Variants in ARNT observed in about 807,000 individuals in gnomAD.
ARNT encodes aryl hydrocarbon receptor nuclear translocator.
Under a neutral mutation model 105.0 loss-of-function variants are expected in ARNT, and 30 were observed. The observed-to-expected ratio is 0.29, with a 90% CI of 0.21 to 0.39. The LOEUF (loss-of-function observed/expected upper bound fraction) is 0.39. ARNT is among the 10% of genes least tolerant of loss of function. The pLI, the probability that ARNT is intolerant of heterozygous loss-of-function variation, is 1.00. For synonymous variants in ARNT, 304 were observed against 344.0 expected, an observed-to-expected ratio of 0.88 and a Z score of 1.29; for missense variants, 748 against 978.7, an observed-to-expected ratio of 0.76 and a Z score of 3.15.
At chr1:150,838,945 A>G (rs1458808375) in intron 6 of ARNT, among the ~76,000 whole-genome samples, 2 of 152,196 alleles carry the variant, frequency 1.3e-5, no homozygotes, top group African/African-American at 4.8e-5. Context: ...AGTTCCTGAA[A>G]GGCAGAAAAT....
chr1:150,871,988 A>G (rs1667539067), intron 1 of ARNT, among the ~76,000 whole-genome samples: 1 of 149,486 alleles, frequency 6.7e-6, no homozygotes, highest in Admixed American at 6.7e-5. Context: ...ACAGGGTCTC[A>G]CTCCAACACC....
intron 12 of ARNT, among the ~76,000 whole-genome samples, chr1:150,828,841 T>C (rs587657637): frequency 6.6e-6 from 1 of 152,324 alleles, no homozygotes; most frequent in Admixed American, 6.5e-5. Flanking sequence ...ATCATCTGTA[T>C]TAATATCAAC....
intron 6 of ARNT, among the ~76,000 whole-genome samples, chr1:150,836,780 G>A (rs1240608540): frequency 3.3e-5 from 5 of 152,156 alleles, no homozygotes; most frequent in African/African-American, 4.8e-5. Context: ...AGCGGCTCCC[G>A]CCGGTAATCC....
At chr1:150,872,401 A>T (rs938474606) in intron 1 of ARNT, among the ~76,000 whole-genome samples, 1 of 152,148 alleles carries the variant, frequency 6.6e-6, no homozygotes, top group Admixed American at 6.6e-5. Flanking sequence ...GCTAAAAAAA[A>T]TTTTCTTCCT....
At chr1:150,874,619 T>C (rs1381185983) in intron 1 of ARNT, among the ~76,000 whole-genome samples, 2 of 151,958 alleles carry the variant, frequency 1.3e-5, no homozygotes, top group African/African-American at 4.8e-5. Context: ...GCCCCTGAGG[T>C]GGAGGCTGCC....
intron 21 of ARNT, 21 bp downstream of exon 21, chr1:150,813,150 GA>G: frequency 6.2e-7 from 1 of 1,603,938 alleles, no homozygotes; most frequent in Non-Finnish European, 8.5e-7. Context: ...TCTAATTTTT[GA>G]AAGTCTTTTC....
chr1:150,848,643 C>T (rs1662713143), intron 3 of ARNT, among the ~76,000 whole-genome samples: 1 of 152,160 alleles, frequency 6.6e-6, no homozygotes, highest in Non-Finnish European at 1.5e-5. Flanking sequence ...ACCCTCCCAC[C>T]TCAGCTTCCC....
chr1:150,874,377 T>C (rs1469885986), intron 1 of ARNT, among the ~76,000 whole-genome samples: 1 of 152,196 alleles, frequency 6.6e-6, no homozygotes, highest in Non-Finnish European at 1.5e-5. Context: ...TCAGAAGAGA[T>C]GGAATAATTT....
At chr1:150,855,592 T>C (rs955024601) in intron 2 of ARNT, among the ~76,000 whole-genome samples, 3 of 151,596 alleles carry the variant, frequency 2.0e-5, no homozygotes, top group East Asian at 1.9e-4. Flanking sequence ...TATGTTTATA[T>C]AGAATATGTA....
intron 2 of ARNT, among the ~76,000 whole-genome samples, chr1:150,856,342 A>G (rs1474478677): frequency 6.6e-6 from 1 of 152,164 alleles, no homozygotes; most frequent in Non-Finnish European, 1.5e-5. Flanking sequence ...CGGGAGGCTG[A>G]GACAGGAGAA....
chr1:150,817,311 T>C (rs776524291), intron 16 of ARNT, 50 bp downstream of exon 16: 86 of 1,611,846 alleles, frequency 5.3e-5, no homozygotes, highest in Non-Finnish European at 7.3e-5. Context: ...CGGAGAACAC[T>C]TCCTAAGTAA....
intron 18 of ARNT, 107 bp downstream of exon 18, chr1:150,816,681 A>T: frequency 1.5e-6 from 2 of 1,326,136 alleles, no homozygotes; most frequent in Non-Finnish European, 2.0e-6. Flanking sequence ...TACAAGCTTC[A>T]CTGCTTTTTC....
chr1:150,867,371 TAA>T (rs1257063733), intron 1 of ARNT, among the ~76,000 whole-genome samples: 1 of 137,434 alleles, frequency 7.3e-6, no homozygotes, highest in Non-Finnish European at 1.6e-5. Flanking sequence ...TTCTATAAAT[TAA>T]AAAAAAAAAA....
intron 7 of ARNT, chr1:150,834,919 C>A: frequency 2.9e-6 from 1 of 347,232 alleles, no homozygotes; most frequent in Non-Finnish European, 5.6e-6. Flanking sequence ...AGAGGCAAGG[C>A]TATATTCTCA....
chr1:150,840,039 G>A (rs1661001085), intron 5 of ARNT, among the ~76,000 whole-genome samples: 1 of 152,126 alleles, frequency 6.6e-6, no homozygotes, highest in Non-Finnish European at 1.5e-5. Flanking sequence ...CCAGGAGTTT[G>A]AGACCGGCCT....
intron 3 of ARNT, among the ~76,000 whole-genome samples, chr1:150,849,006 C>A (rs1052815129): frequency 6.6e-6 from 1 of 151,980 alleles, no homozygotes; most frequent in Non-Finnish European, 1.5e-5. Flanking sequence ...CAGTTCAAGA[C>A]CAGCCTGACC....
chr1:150,839,622 C>T lies in ARNT; in HGVS notation c.305G>A (p.Arg102Gln), dbSNP rs1490240303. 1.2e-6 allele frequency: 2 copies of T among 1,613,968 alleles called. No individual in the cohort carries two copies. Among genetic ancestry groups the T allele is most frequent in the Admixed American group, 1.7e-5 (1 of 59,990 alleles). The change falls in exon 6 of 22, where the codon CGG becomes CAG. Residue 102 changes from arginine to glutamine, a missense_variant. Physicochemically the swap from Arg to Gln is conservative, Grantham distance 43. This residue lies in a region of ARNT where 291 missense variants were observed against 444.6 expected (regional missense o/e 0.65). Coordinates refer to ENST00000358595, the MANE Select transcript of ARNT (RefSeq NM_001668.4). ...ENHSEIERRR[R>Q]NKMTAYITEL... The stretch of plus-strand genomic sequence containing the variant: ...TGTGATGTAGGCTGTCATCTTGTTC[C>T]GTCGCCGCCGTTCAATTTCACTGTG...
intron 1 of ARNT, among the ~76,000 whole-genome samples, chr1:150,869,349 T>C (rs587623817): frequency 6.6e-6 from 1 of 152,092 alleles, no homozygotes; most frequent in South Asian, 2.1e-4. Context: ...TGGTGGTGGA[T>C]GCCTGTAGTC....
At chr1:150,874,785 G>T (rs1173060311) in intron 1 of ARNT, among the ~76,000 whole-genome samples, 1 of 152,100 alleles carries the variant, frequency 6.6e-6, no homozygotes, top group Non-Finnish European at 1.5e-5. Flanking sequence ...AATTGCAGAA[G>T]CAAGCAGCCA....
Sources: gnomAD v4.1 joint callset for allele counts (sites outside exome capture counted in the v4.1 genomes callset) on GRCh38, gnomAD v4.1.1 for gene constraint, gnomAD v4.1.1 regional missense constraint, MANE v1.5 for transcripts, NCBI Gene and HGNC (gene_info 2026-07-23, HGNC 2026-07-21) for gene names.